CDH12: variants seen among roughly 807,000 people sequenced by gnomAD.
CDH12 encodes the protein cadherin 12, also known as cadherin-12.
CDH12 carries 41 observed loss-of-function variants against 74.1 expected under a neutral mutation model. The ratio of observed to expected loss-of-function variants is 0.55; its 90% CI spans 0.43 to 0.72. The LOEUF is 0.72. CDH12 is among the 30% of genes least tolerant of loss of function. The pLI is 0.00. For missense variants in CDH12, 945 were observed against 977.2 expected, an observed-to-expected ratio of 0.97 and a Z score of 0.44; for synonymous variants, 399 against 355.0, an observed-to-expected ratio of 1.12 and a Z score of -1.39.
intron 1 of CDH12, among the ~76,000 whole-genome samples, chr5:22,656,844 G>GAGAGAA (rs1431155560): frequency 2.6e-5 from 4 of 152,116 alleles, no homozygotes; most frequent in African/African-American, 9.7e-5. Flanking sequence ...GTGTTGGAGA[G>GAGAGAA]AGAGAAAGAG....
In CDH12 at chr5:21,751,677, G is replaced by A; in HGVS notation, c.*60C>T. 1.2e-5 allele frequency: 16 copies of A among 1,347,070 alleles called. No individual in the cohort carries two copies. Among genetic ancestry groups the A allele is most frequent in the Non-Finnish European group, 1.5e-5 (15 of 977,278 alleles). 83.4% of individuals were successfully genotyped at this position (1,347,070 alleles called of 1,614,324 possible). ...GAGAGAGATTTCTATTAATATTTGTGTTTCTTTTTCTTTTTTAAAAATCTC... is the reference window on the plus strand; with the variant it reads ...GAGAGAGATTTCTATTAATATTTGTATTTCTTTTTCTTTTTTAAAAATCTC... On this transcript the variant is annotated 3_prime_UTR_variant, in exon 15 of 15. Transcript: ENST00000382254.
At chr5:21,858,167 G>A (rs1750852084) in intron 6 of CDH12, among the ~76,000 whole-genome samples, 1 of 151,772 alleles carries the variant, frequency 6.6e-6, no homozygotes, top group African/African-American at 2.4e-5. Context: ...ATTTCAGGAG[G>A]ATTCAAGTCA....
intron 1 of CDH12, among the ~76,000 whole-genome samples, chr5:22,678,053 G>GGGGC (rs1554058357): frequency 6.6e-6 from 1 of 150,462 alleles, no homozygotes. Flanking sequence ...ATGGGGGGGG[G>GGGGC]GGTTAGGATT....
At chr5:22,323,191 T>A (rs1263824179) in intron 3 of CDH12, among the ~76,000 whole-genome samples, 1 of 152,160 alleles carries the variant, frequency 6.6e-6, no homozygotes, top group African/African-American at 2.4e-5. Context: ...TGTGAAAATA[T>A]TTTACAACCG....
intron 1 of CDH12, among the ~76,000 whole-genome samples, chr5:22,749,230 G>A (rs929097556): frequency 6.6e-6 from 1 of 152,222 alleles, no homozygotes; most frequent in Non-Finnish European, 1.5e-5. Context: ...CTGAGGGCCT[G>A]GCCCTGAAGC....
intron 3 of CDH12, among the ~76,000 whole-genome samples, chr5:22,239,294 T>G (rs990324496): frequency 6.6e-6 from 1 of 152,152 alleles, no homozygotes; most frequent in African/African-American, 2.4e-5. Context: ...ATAAGCCTAT[T>G]CAAGAACCAA....
At chr5:22,038,581 C>T (rs1215259930) in intron 5 of CDH12, among the ~76,000 whole-genome samples, 5 of 152,184 alleles carry the variant, frequency 3.3e-5, no homozygotes, top group Non-Finnish European at 7.3e-5. Flanking sequence ...TTTCACATTG[C>T]CTCCTGAAAA....
chr5:21,893,178 T>G (rs1561279632), intron 6 of CDH12, among the ~76,000 whole-genome samples: 1 of 152,198 alleles, frequency 6.6e-6, no homozygotes, highest in Non-Finnish European at 1.5e-5. Context: ...TTTTGATCAT[T>G]GCCTTTCAAG....
chr5:22,300,460 C>G (rs1477565866), intron 3 of CDH12, among the ~76,000 whole-genome samples: 1 of 152,138 alleles, frequency 6.6e-6, no homozygotes, highest in African/African-American at 2.4e-5. Context: ...TTACAAAGGT[C>G]AAAATCTTGA....
chr5:22,603,855 G>GA (rs1429792249), intron 1 of CDH12, among the ~76,000 whole-genome samples: 1 of 152,192 alleles, frequency 6.6e-6, no homozygotes, highest in African/African-American at 2.4e-5. Context: ...CTGTAAAATG[G>GA]AAAAAGAATT....
chr5:22,626,294 G>T (rs1738292946), intron 1 of CDH12, among the ~76,000 whole-genome samples: 1 of 152,178 alleles, frequency 6.6e-6, no homozygotes, highest in African/African-American at 2.4e-5. Context: ...GGCAAACACA[G>T]ATTCCACTGC....
intron 3 of CDH12, among the ~76,000 whole-genome samples, chr5:22,270,608 T>G (rs74672361): frequency 6.9e-6 from 1 of 145,188 alleles, no homozygotes; most frequent in Non-Finnish European, 1.5e-5. Context: ...AAAAAAAATA[T>G]ATATATATAT....
intron 1 of CDH12, among the ~76,000 whole-genome samples, chr5:22,516,258 A>G (rs180696552): frequency 4.1e-4 from 62 of 152,282 alleles, no homozygotes; most frequent in African/African-American, 1.4e-3. Flanking sequence ...AATACAAATA[A>G]TTTGTCACTA....
intron 4 of CDH12, among the ~76,000 whole-genome samples, chr5:22,081,482 G>A (rs190728590): frequency 2.0e-5 from 3 of 152,236 alleles, no homozygotes; most frequent in Non-Finnish European, 4.4e-5. Flanking sequence ...TTCAGATTGG[G>A]AGATAAATAC....
intron 1 of CDH12, among the ~76,000 whole-genome samples, chr5:22,719,194 G>C (rs1189416753): frequency 6.6e-6 from 1 of 152,068 alleles, no homozygotes; most frequent in Non-Finnish European, 1.5e-5. Context: ...ACACTAAAAG[G>C]CATTGTTATC....
chr5:22,329,133 C>G (rs1038143433), intron 3 of CDH12, among the ~76,000 whole-genome samples: 16 of 152,092 alleles, frequency 1.1e-4, no homozygotes, highest in Non-Finnish European at 1.6e-4. Context: ...CCCTGATAAA[C>G]AGTGCTATGG....
intron 2 of CDH12, among the ~76,000 whole-genome samples, chr5:22,484,930 CA>C (rs1746527780): frequency 1.3e-5 from 2 of 151,934 alleles, no homozygotes; most frequent in South Asian, 4.2e-4. Context: ...TATATAATTA[CA>C]TAGTCATTCT....
intron 11 of CDH12, among the ~76,000 whole-genome samples, chr5:21,771,563 A>C (rs1167790551): frequency 6.6e-6 from 1 of 152,138 alleles, no homozygotes; most frequent in Non-Finnish European, 1.5e-5. Context: ...AGGACCTGGA[A>C]TCAATAAAAA....
chr5:21,808,871 C>G (rs922579808), intron 9 of CDH12, among the ~76,000 whole-genome samples: 1 of 151,870 alleles, frequency 6.6e-6, no homozygotes, highest in African/African-American at 2.4e-5. Context: ...GTGAGAATGT[C>G]CCTGTAACAA....
Sources: gnomAD v4.1 joint callset for allele counts (sites outside exome capture counted in the v4.1 genomes callset) on GRCh38, gnomAD v4.1.1 for gene constraint, MANE v1.5 for transcripts, NCBI Gene and HGNC (gene_info 2026-07-23, HGNC 2026-07-21) for gene names.